Variants in SCYL2 observed in about 807,000 individuals in gnomAD.
SCYL2 encodes the protein SCY1-like protein 2.
Under a neutral mutation model 100.4 loss-of-function variants are expected in SCYL2, and 36 were observed. The observed-to-expected ratio is 0.36, with a 90% CI of 0.27 to 0.47. SCYL2 has a LOEUF of 0.47. Ranked by LOEUF, SCYL2 falls within the 20% of genes least tolerant of loss-of-function variation. The probability of loss-of-function intolerance (pLI) is 1.00; values close to 1 mark genes in which losing one functional copy is unlikely to be tolerated. For missense variants in SCYL2, 902 were observed against 1,083.9 expected (o/e 0.83, Z 2.36); for synonymous variants, 330 against 359.2 (o/e 0.92, Z 0.92).
At chr12:100,300,883 A>G (rs2096326730) in intron 4 of SCYL2, among the ~76,000 whole-genome samples, 1 of 152,170 alleles carries the variant, frequency 6.6e-6, no homozygotes, top group Admixed American at 6.5e-5. Flanking sequence ...TATTTTCTGT[A>G]TCTGTTCATC....
In SCYL2 at chr12:100,267,180, C is replaced by T. The variant is rs1241654667; in HGVS notation, c.-641C>T. The T allele has an allele frequency of 8.0e-7, 1 of 1,255,042 alleles. No homozygotes were observed. Among genetic ancestry groups the T allele is most frequent in the Non-Finnish European group, 1.1e-6 (1 of 901,240 alleles). 77.7% of individuals were successfully genotyped at this position (1,255,042 alleles called of 1,614,324 possible). ...GCCCCCGGCCGGCAGGTCTTTTAGT[C>T]TTTTTCCCCCTCCCTTACTCTTCGT... On this transcript the variant is annotated 5_prime_UTR_variant, in exon 1 of 18. Transcript: ENST00000360820.
intron 7 of SCYL2, 42 bp from the exon 8 acceptor site, chr12:100,314,447 A>C: frequency 4.1e-6 from 6 of 1,452,938 alleles, no homozygotes; most frequent in Non-Finnish European, 5.7e-6. Flanking sequence ...AAGTACTTTC[A>C]ATTTAACATT....
intron 11 of SCYL2, among the ~76,000 whole-genome samples, chr12:100,326,104 A>G (rs1453490990): frequency 6.6e-6 from 1 of 152,088 alleles, no homozygotes; most frequent in Non-Finnish European, 1.5e-5. Flanking sequence ...TGGAATTTTG[A>G]TAAAAGCTTC....
chr12:100,314,014 G>A (rs1207470307), intron 7 of SCYL2, among the ~76,000 whole-genome samples: 1 of 151,622 alleles, frequency 6.6e-6, no homozygotes, highest in East Asian at 1.9e-4. Context: ...CCAAGTAATT[G>A]GGATTACAGG....
chr12:100,306,465 A>G (rs980293506), intron 4 of SCYL2, among the ~76,000 whole-genome samples: 1 of 152,236 alleles, frequency 6.6e-6, no homozygotes, highest in Non-Finnish European at 1.5e-5. Flanking sequence ...ACTTCATGCT[A>G]AAAACTCTCA....
chr12:100,337,423 AAAGAAC>A lies in SCYL2; in HGVS notation c.2067_2072del (p.Glu691_Gln692del), dbSNP rs1163526218. The A allele has an allele frequency of 1.2e-6, 2 of 1,601,796 alleles. No individual in the cohort carries two copies. The highest frequency in any genetic ancestry group is 8.5e-7 in the Non-Finnish European group (1 of 1,177,254). ...ACTTGAAGAAAAACAAAAATTAGCA[AAAGAAC>A]AAGAGCAGGCACAGAAGCTGAAAAG... On this transcript the variant is annotated inframe_deletion, in exon 17 of 18. Transcript: ENST00000360820.
intron 2 of SCYL2, among the ~76,000 whole-genome samples, chr12:100,286,009 C>G (rs1193986538): frequency 6.6e-6 from 1 of 151,978 alleles, no homozygotes; most frequent in African/African-American, 2.4e-5. Context: ...CATGTATGTC[C>G]TTTAAAAATT....
At chr12:100,317,624 G>A in intron 9 of SCYL2, 179 bp from the exon 10 acceptor site, 1 of 1,368,530 alleles carries the variant, frequency 7.3e-7, no homozygotes, top group Non-Finnish European at 9.5e-7. Context: ...GTTAAATATT[G>A]TGCCTCCAGA....
At chr12:100,303,815 A>C (rs1048402003) in intron 4 of SCYL2, among the ~76,000 whole-genome samples, 1 of 152,168 alleles carries the variant, frequency 6.6e-6, no homozygotes, top group Non-Finnish European at 1.5e-5. Flanking sequence ...CTCTCTTTAC[A>C]GCCAGTAGGG....
At chr12:100,290,715 T>C (rs2096309604) in intron 2 of SCYL2, among the ~76,000 whole-genome samples, 1 of 152,224 alleles carries the variant, frequency 6.6e-6, no homozygotes, top group African/African-American at 2.4e-5. Flanking sequence ...TTTGGAAGGC[T>C]AGCATTCTTT....
At chr12:100,336,960 C>A (rs1284736446) in intron 16 of SCYL2, among the ~76,000 whole-genome samples, 1 of 152,074 alleles carries the variant, frequency 6.6e-6, no homozygotes, top group Non-Finnish European at 1.5e-5. Context: ...GACAAGACAT[C>A]AAATTTGCTG....
chr12:100,310,307 T>A (rs1037996936), intron 4 of SCYL2, among the ~76,000 whole-genome samples: 2 of 152,228 alleles, frequency 1.3e-5, no homozygotes, highest in African/African-American at 4.8e-5. Flanking sequence ...GGATTTTCTC[T>A]TTTTTTAAAT....
intron 1 of SCYL2, among the ~76,000 whole-genome samples, chr12:100,281,925 T>G (rs554276180): frequency 6.6e-6 from 1 of 152,062 alleles, no homozygotes; most frequent in East Asian, 1.9e-4. Context: ...GTTTTTAATG[T>G]GAAGTGATCA....
At chr12:100,316,823 C>T (rs1373761583) in intron 9 of SCYL2, among the ~76,000 whole-genome samples, 3 of 152,174 alleles carry the variant, frequency 2.0e-5, no homozygotes, top group Non-Finnish European at 4.4e-5. Flanking sequence ...CCTTTTGGGC[C>T]AGGTGCAGTG....
intron 12 of SCYL2, 135 bp downstream of exon 12, chr12:100,326,889 T>C: frequency 1.4e-6 from 1 of 692,216 alleles, no homozygotes; most frequent in East Asian, 3.0e-5. Flanking sequence ...TACCATAATA[T>C]AACTTTTCTC....
intron 1 of SCYL2, among the ~76,000 whole-genome samples, chr12:100,271,939 G>A (rs1190996605): frequency 6.6e-6 from 1 of 152,154 alleles, no homozygotes; most frequent in Admixed American, 6.5e-5. Context: ...GAGCAGGCAG[G>A]ACTGAAAGAA....
intron 3 of SCYL2, among the ~76,000 whole-genome samples, chr12:100,297,014 A>G (rs528226223): frequency 6.6e-6 from 1 of 152,356 alleles, no homozygotes; most frequent in South Asian, 2.1e-4. Context: ...CAATTAAAGG[A>G]CATAACTGCC....
At chr12:100,280,545 C>G (rs1458691710) in intron 1 of SCYL2, among the ~76,000 whole-genome samples, 1 of 152,138 alleles carries the variant, frequency 6.6e-6, no homozygotes, top group Non-Finnish European at 1.5e-5. Context: ...CTTTCTTCAA[C>G]TAAAGATGTC....
chr12:100,273,937 G>A (rs572554133), intron 1 of SCYL2, among the ~76,000 whole-genome samples: 8 of 152,196 alleles, frequency 5.3e-5, no homozygotes, highest in Non-Finnish European at 1.0e-4. Flanking sequence ...TAGAGGAATA[G>A]ATATGTATGG....
Sources: gnomAD v4.1 joint callset for allele counts (sites outside exome capture counted in the v4.1 genomes callset) on GRCh38, gnomAD v4.1.1 for gene constraint, MANE v1.5 for transcripts, NCBI Gene and HGNC (gene_info 2026-07-23, HGNC 2026-07-21) for gene names.